MSL2: variants seen among roughly 807,000 people sequenced by gnomAD.
MSL2 encodes the protein MSL complex subunit 2.
MSL2 carries 2 observed loss-of-function variants against 35.8 expected under a neutral mutation model. The ratio of observed to expected loss-of-function variants is 0.06; its 90% CI spans 0.02 to 0.18. MSL2 has a LOEUF of 0.18. Ranked by LOEUF, MSL2 falls within the 10% of genes least tolerant of loss-of-function variation. MSL2 has a pLI of 1.00. For synonymous variants in MSL2, 296 were observed against 255.7 expected, an observed-to-expected ratio of 1.16 and a Z score of -1.50; for missense variants, 523 against 706.7, an observed-to-expected ratio of 0.74 and a Z score of 2.95.
chr3:136,173,644 C>T (rs1940090973), intron 1 of MSL2, among the ~76,000 whole-genome samples: 1 of 152,160 alleles, frequency 6.6e-6, no homozygotes, highest in Admixed American at 6.6e-5. Context: ...CCCCGAATTT[C>T]GAGTTTTCTA....
Position 136,186,546 on chromosome 3 carries a change from G to T in MSL2, c.142+8426C>A, listed in dbSNP as rs114243260. Among the ~76,000 whole-genome samples, 966 of 152,240 alleles carry T rather than the reference G, an allele frequency of 6.3e-3. 17 individuals carry two copies. The highest frequency in any genetic ancestry group is 0.021 in the African/African-American group (871 of 41,528). ...TCGCATTACCACCTGAGCTCTGCCT[G>T]TCAGATCTGCAGTGGCATTAGACTC... On this transcript the variant is annotated intron_variant, in intron 1 of 1. Transcript: ENST00000309993.
At chr3:136,159,297 C>T (rs1409133760) in intron 1 of MSL2, among the ~76,000 whole-genome samples, 1 of 147,178 alleles carries the variant, frequency 6.8e-6, no homozygotes, top group Non-Finnish European at 1.5e-5. Flanking sequence ...CATTTATGGT[C>T]AACCAATTTG....
At chr3:136,182,167 G>C (rs963435693) in intron 1 of MSL2, among the ~76,000 whole-genome samples, 1 of 152,126 alleles carries the variant, frequency 6.6e-6, no homozygotes, top group Non-Finnish European at 1.5e-5. Context: ...CAATAAGGAA[G>C]CCATTACACT....
intron 1 of MSL2, among the ~76,000 whole-genome samples, chr3:136,176,026 A>G (rs1940163104): frequency 6.6e-6 from 1 of 151,970 alleles, no homozygotes; most frequent in Non-Finnish European, 1.5e-5. Context: ...CTAGTAGGAC[A>G]TATTCTAGAT....
At chr3:136,185,511 G>C (rs1200504442) in intron 1 of MSL2, among the ~76,000 whole-genome samples, 1 of 135,736 alleles carries the variant, frequency 7.4e-6, no homozygotes, top group East Asian at 2.4e-4. Context: ...AATAACTTGG[G>C]ACACAACTCT....
chr3:136,155,330 C>A (rs1939488449), intron 1 of MSL2, among the ~76,000 whole-genome samples: 1 of 151,922 alleles, frequency 6.6e-6, no homozygotes, highest in Non-Finnish European at 1.5e-5. Context: ...CATGGTGAAA[C>A]CCTGTCTCTA....
rs368799984 is a variant in MSL2 at position 136,195,948 on chromosome 3, C to T, written c.-835G>A. On this transcript the variant is annotated 5_prime_UTR_variant, in exon 1 of 2. Coordinates refer to ENST00000309993, the MANE Select transcript of MSL2 (RefSeq NM_018133.4). ...TCGCACACTCCGGGGTCACCAGACT[C>T]AAGCGCCGCCCCCTCACTGCCCGGC... The T allele has an allele frequency of 2.4e-6, 1 of 413,026 alleles. No individual in the cohort carries two copies. The highest frequency in any genetic ancestry group is 2.2e-5 in the African/African-American group (1 of 45,368). The allele number at this position is 413,026 out of a possible 1,614,324, so 25.6% of individuals were successfully genotyped here.
chr3:136,166,244 C>T (rs1200122839), intron 1 of MSL2, among the ~76,000 whole-genome samples: 4 of 151,624 alleles, frequency 2.6e-5, no homozygotes, highest in Admixed American at 6.6e-5. Context: ...AAAAATTAGC[C>T]GGGCGTGGTG....
chr3:136,194,558 G>T (rs756384359), intron 1 of MSL2: 127 of 579,984 alleles, frequency 2.2e-4, no homozygotes, highest in Non-Finnish European at 2.6e-4. Context: ...CCAGTTTGGG[G>T]AAATGCAAAC....
At chr3:136,166,712 CG>C (rs1939864725) in intron 1 of MSL2, among the ~76,000 whole-genome samples, 1 of 152,064 alleles carries the variant, frequency 6.6e-6, no homozygotes, top group East Asian at 1.9e-4. Context: ...ATAAATAAAC[CG>C]TAACTAAGTC....
Position 136,152,563 on chromosome 3 carries a change from T to G in MSL2, c.318A>C (p.Leu106=), listed in dbSNP as rs544521594. 26 of 1,614,196 alleles carry G rather than the reference T, an allele frequency of 1.6e-5. No homozygotes were observed. The East Asian group carries it at 5.3e-4, about 33-fold the overall frequency. ...GTGTAGTCTGTGTTATATACTCGCA[T>G]AGTTTTTTGTAGCAGTTCACTAGGA... ...LSILVNCYKK[L]CEYITQTTLA... The change falls in exon 2 of 2, where the codon CTA becomes CTC. Residue 106 remains leucine (L), a synonymous_variant. Coordinates refer to ENST00000309993, the MANE Select transcript of MSL2 (RefSeq NM_018133.4).
chr3:136,151,758 T>C lies in MSL2; in HGVS notation c.1123A>G (p.Lys375Glu). Residue 375 changes from lysine to glutamate, a missense_variant, in exon 2 of 2, where the codon AAA (lysine) becomes GAA (glutamate). Around this residue, in one of 5 missense-constraint regions of MSL2, gnomAD observed 361 missense variants for 414.6 expected, o/e 0.87. Coordinates refer to ENST00000309993, the MANE Select transcript of MSL2 (RefSeq NM_018133.4). The surrounding 1 kb of genome is among the most constrained non-coding windows in gnomAD (Gnocchi z 5.2). ...TLGASAPVTV[K>E]RESKISLQPI... ...TGAAGAGAAATTTTGCTCTCCCGTTTCACTGTCACAGGAGCAGATGCCCCC... is the reference window on the plus strand; with the variant it reads ...TGAAGAGAAATTTTGCTCTCCCGTTCCACTGTCACAGGAGCAGATGCCCCC... 25 of 1,614,224 alleles carry C rather than the reference T, an allele frequency of 1.5e-5. No individual in the cohort carries two copies. Among genetic ancestry groups the C allele is most frequent in the Non-Finnish European group, 2.1e-5 (25 of 1,180,024 alleles).
intron 1 of MSL2, among the ~76,000 whole-genome samples, chr3:136,176,935 G>A (rs1297089234): frequency 6.6e-6 from 1 of 152,182 alleles, no homozygotes; most frequent in African/African-American, 2.4e-5. Flanking sequence ...TGCTATAAAA[G>A]ATAACAAGCT....
chr3:136,181,487 A>G (rs531095913), intron 1 of MSL2, among the ~76,000 whole-genome samples: 6 of 152,314 alleles, frequency 3.9e-5, no homozygotes, highest in Admixed American at 3.3e-4. Flanking sequence ...CTCTTTTTCT[A>G]AAGTAACAGA....
At chr3:136,153,028 C>CT (rs1453744173) in intron 1 of MSL2, 18 of 985,264 alleles carry the variant, frequency 1.8e-5, no homozygotes, top group Non-Finnish European at 2.2e-5. Context: ...CCTCCAAAGG[C>CT]TATAAAGTTA....
At chr3:136,180,761 G>A (rs1391130914) in intron 1 of MSL2, among the ~76,000 whole-genome samples, 86 of 26,940 alleles carry the variant, frequency 3.2e-3, no homozygotes, top group Middle Eastern at 0.031. Flanking sequence ...AAGGAGGGAA[G>A]GAGGGAGGGA....
chr3:136,182,822 G>A (rs1940407589), intron 1 of MSL2, among the ~76,000 whole-genome samples: 1 of 152,016 alleles, frequency 6.6e-6, no homozygotes, highest in Non-Finnish European at 1.5e-5. Flanking sequence ...TACCAGAGAA[G>A]CCCCAGAAAG....
chr3:136,195,763 C>G lies in MSL2; in HGVS notation c.-650G>C. ...CCAGACTGCGCCCTGGCTCTCCGCC[C>G]CGTGGGTTGCAGCCCGCAGTTCCCC... On this transcript the variant is annotated 5_prime_UTR_variant, in exon 1 of 2. Transcript: ENST00000309993. 1.0e-6 allele frequency: 1 copy of G among 985,264 alleles called. No individual in the cohort carries two copies. The highest frequency in any genetic ancestry group is 1.2e-6 in the Non-Finnish European group (1 of 829,872). 61.0% of individuals were successfully genotyped at this position (985,264 alleles called of 1,614,324 possible).
At chr3:136,180,788 G>GGAA (rs1559969190) in intron 1 of MSL2, among the ~76,000 whole-genome samples, 545 of 44,224 alleles carry the variant, frequency 0.012, 25 homozygotes, top group Non-Finnish European at 0.02. Context: ...GAGGGAGGGA[G>GGAA]GGAGGGAGGG....
Sources: allele counts gnomAD v4.1 joint callset (sites outside exome capture counted in the v4.1 genomes callset), GRCh38; gene constraint gnomAD v4.1.1; regional missense constraint gnomAD v4.1.1; non-coding constraint Gnocchi (gnomAD v3.1); transcripts MANE v1.5; gene names NCBI Gene and HGNC (gene_info 2026-07-23, HGNC 2026-07-21).